The following GNG7 variants were observed in gnomAD, a reference collection of about 807,000 sequenced individuals.
GNG7 encodes guanine nucleotide-binding protein G(I)/G(S)/G(O) subunit gamma-7.
A neutral mutation model predicts 4.0 loss-of-function variants in GNG7; 1 was observed. The observed-to-expected ratio is 0.25, with a 90% CI of 0.09 to 1.18. The LOEUF is 1.18. Ranked by LOEUF, GNG7 falls within the 50% of genes most tolerant of loss-of-function variation. The probability of loss-of-function intolerance (pLI) is 0.50; values close to 1 mark genes in which losing one functional copy is unlikely to be tolerated. For synonymous variants in GNG7, 34 were observed against 36.9 expected, an observed-to-expected ratio of 0.92 and a Z score of 0.29; for missense variants, 86 against 91.9, an observed-to-expected ratio of 0.94 and a Z score of 0.26.
chr19:2,699,707 G>T (rs1328629952), intron 1 of GNG7, among the ~76,000 whole-genome samples: 2 of 152,200 alleles, frequency 1.3e-5, no homozygotes, highest in African/African-American at 4.8e-5. Flanking sequence ...AATGCGGGGA[G>T]CTCCTGGTGT....
At position 2,634,710 on chromosome 19, in the gene GNG7, G is replaced by A. The variant is rs568153510; in HGVS notation, c.-78+11514C>T. The stretch of plus-strand genomic sequence containing the variant: ...ATTCTTTCAGGGGAACAACTTGTCC[G>A]CGAAAAGAACTGATAATAACGTGAA... On this transcript the variant is annotated intron_variant, in intron 2 of 4. Coordinates refer to ENST00000382159, the MANE Select transcript of GNG7 (RefSeq NM_052847.3). The surrounding 1 kb of genome is among the most constrained non-coding windows in gnomAD (Gnocchi z 5.3). Among the ~76,000 whole-genome samples, 11 of 152,218 alleles carry A rather than the reference G, an allele frequency of 7.2e-5. No homozygotes were observed. Among genetic ancestry groups the A allele is most frequent in the Admixed American group, 1.3e-4 (2 of 15,272 alleles).
chr19:2,624,993 G>T (rs1317817578), intron 2 of GNG7, among the ~76,000 whole-genome samples: 3 of 152,210 alleles, frequency 2.0e-5, no homozygotes, highest in African/African-American at 7.2e-5. Context: ...CCAGGCAGGG[G>T]TGGACGCCTG....
intron 3 of GNG7, among the ~76,000 whole-genome samples, chr19:2,533,477 C>T (rs1978654452): frequency 6.6e-6 from 1 of 152,052 alleles, no homozygotes; most frequent in Non-Finnish European, 1.5e-5. Context: ...GTTGGTTGAG[C>T]TGTTGGTGTA....
chr19:2,585,035 G>A (rs1170303548), intron 2 of GNG7, among the ~76,000 whole-genome samples: 8 of 115,154 alleles, frequency 6.9e-5, no homozygotes, highest in Admixed American at 5.1e-4. Context: ...AGGGAGGGAC[G>A]GAGGGAGGGA....
intron 1 of GNG7, among the ~76,000 whole-genome samples, chr19:2,684,651 C>T (rs776613177): frequency 2.0e-5 from 3 of 152,180 alleles, no homozygotes; most frequent in Non-Finnish European, 4.4e-5. Flanking sequence ...CTCCGTGATC[C>T]ACTCCTAAGA....
intron 1 of GNG7, among the ~76,000 whole-genome samples, chr19:2,659,117 C>G (rs150011624): frequency 1.9e-3 from 293 of 151,948 alleles, no homozygotes; most frequent in African/African-American, 6.9e-3. Flanking sequence ...CTACAGGCGC[C>G]CGCCACCACA....
At position 2,653,577 on chromosome 19, in the gene GNG7, T is replaced by G. The variant is rs2144869084; in HGVS notation, c.-134-7297A>C. 6.6e-6 allele frequency among the ~76,000 whole-genome samples: 1 copy of G among 152,210 alleles called. No individual in the cohort carries two copies. The highest frequency in any genetic ancestry group is 2.4e-5 in the African/African-American group (1 of 41,538). On this transcript the variant is annotated intron_variant, in intron 1 of 4. Coordinates refer to ENST00000382159, the MANE Select transcript of GNG7 (RefSeq NM_052847.3). The surrounding 1 kb of genome is among the most constrained non-coding windows in gnomAD (Gnocchi z 4.8). Reference sequence around the variant, plus strand: ...TTTTTTTCCAGATGAATGTAGGGTCTCCCCCTCGGCACTGTGGGCATTGGG... The same window carrying G: ...TTTTTTTCCAGATGAATGTAGGGTCGCCCCCTCGGCACTGTGGGCATTGGG...
intron 2 of GNG7, among the ~76,000 whole-genome samples, chr19:2,620,059 T>A (rs957918585): frequency 6.6e-6 from 1 of 150,892 alleles, no homozygotes; most frequent in Non-Finnish European, 1.5e-5. Context: ...TAGCCAGGCA[T>A]GGTGGTGCGC....
At chr19:2,616,809 T>G (rs1370615118) in intron 2 of GNG7, among the ~76,000 whole-genome samples, 1 of 151,764 alleles carries the variant, frequency 6.6e-6, no homozygotes, top group African/African-American at 2.4e-5. Flanking sequence ...GGTGGGTTCT[T>G]GGGCAAGGCT....
intron 3 of GNG7, among the ~76,000 whole-genome samples, chr19:2,531,469 C>A (rs1379628957): frequency 2.6e-5 from 4 of 151,972 alleles, no homozygotes; most frequent in Admixed American, 2.0e-4. Context: ...AACATAAATC[C>A]CCTCTGGAGG....
intron 2 of GNG7, among the ~76,000 whole-genome samples, chr19:2,627,407 G>A (rs568892558): frequency 6.6e-6 from 1 of 152,302 alleles, no homozygotes; most frequent in Non-Finnish European, 1.5e-5. Context: ...TGGGGCCCCA[G>A]CCCTGTGGCC....
chr19:2,614,430 C>G lies in GNG7; in HGVS notation c.-78+31794G>C, dbSNP rs567421923. Among the ~76,000 whole-genome samples the G allele has an allele frequency of 9.3e-4, 142 of 152,320 alleles. No homozygotes were observed. Among genetic ancestry groups the G allele is most frequent in the African/African-American group, 3.2e-3 (134 of 41,568 alleles). ...AGCCCCCCAAAAAGACACCCCATCCCTATCAGCTGTCACTTCCCATCCCCC... is the reference window on the plus strand; with the variant it reads ...AGCCCCCCAAAAAGACACCCCATCCGTATCAGCTGTCACTTCCCATCCCCC... On this transcript the variant is annotated intron_variant, in intron 2 of 4. Transcript: ENST00000382159. This position sits in a 1 kb window ranked among gnomAD's most constrained non-coding sequence, Gnocchi z 6.0.
chr19:2,582,830 A>G (rs571856473), intron 2 of GNG7, among the ~76,000 whole-genome samples: 10 of 151,878 alleles, frequency 6.6e-5, no homozygotes, highest in Non-Finnish European at 1.2e-4. Context: ...CACCATGCCC[A>G]GCTATTTTTT....
intron 3 of GNG7, among the ~76,000 whole-genome samples, chr19:2,527,244 G>A (rs914388598): frequency 2.6e-5 from 4 of 152,198 alleles, no homozygotes; most frequent in Non-Finnish European, 5.9e-5. Flanking sequence ...CCAGGGCGAC[G>A]TCACCTGTGA....
intron 2 of GNG7, among the ~76,000 whole-genome samples, chr19:2,596,671 C>A (rs552212816): frequency 6.6e-6 from 1 of 150,984 alleles, no homozygotes; most frequent in South Asian, 2.1e-4. Context: ...CCTGTCCCCC[C>A]CCCAAAAAAA....
At position 2,634,021 on chromosome 19, in the gene GNG7, C is replaced by T. The variant is rs532463771; in HGVS notation, c.-78+12203G>A. Among the ~76,000 whole-genome samples, 1 of 152,238 alleles carries T rather than the reference C, an allele frequency of 6.6e-6. No individual in the cohort carries two copies. Among genetic ancestry groups the T allele is most frequent in the East Asian group, 1.9e-4 (1 of 5,182 alleles). ...CCCAAGAGACTCCGCGTCCCATGAT[C>T]CTCTGCCCTGCTGAGGTCCCCGGAG... On this transcript the variant is annotated intron_variant, in intron 2 of 4. Transcript: ENST00000382159. This position sits in a 1 kb window ranked among gnomAD's most constrained non-coding sequence, Gnocchi z 5.3.
chr19:2,608,565 G>T (rs1473109331), intron 2 of GNG7, among the ~76,000 whole-genome samples: 1 of 152,208 alleles, frequency 6.6e-6, no homozygotes, highest in African/African-American at 2.4e-5. Flanking sequence ...GCAGAGTCAC[G>T]AGACCAGCAA....
rs923963377 is a variant in GNG7 at position 2,626,164 on chromosome 19, CAG to C, written c.-78+20058_-78+20059del. ...CACCCCCCATTTTACCAAACAGAAG[CAG>C]AGAGTGACCGCGGGTGCCCACCTGA... is the stretch of plus-strand genomic sequence containing the variant. On this transcript the variant is annotated intron_variant, in intron 2 of 4. Transcript: ENST00000382159. This position sits in a 1 kb window ranked among gnomAD's most constrained non-coding sequence, Gnocchi z 5.0. 7.2e-5 allele frequency among the ~76,000 whole-genome samples: 11 copies of C among 152,258 alleles called. No homozygotes were observed. Among genetic ancestry groups the C allele is most frequent in the Middle Eastern group, 3.4e-3 (1 of 294 alleles).
At chr19:2,658,063 A>G (rs1351493528) in intron 1 of GNG7, among the ~76,000 whole-genome samples, 1 of 151,602 alleles carries the variant, frequency 6.6e-6, no homozygotes, top group Non-Finnish European at 1.5e-5. Flanking sequence ...TGGGGCCACT[A>G]CCGGTCTTCA....
Sources: allele counts gnomAD v4.1 joint callset (sites outside exome capture counted in the v4.1 genomes callset), GRCh38; gene constraint gnomAD v4.1.1; non-coding constraint Gnocchi (gnomAD v3.1); transcripts MANE v1.5; gene names NCBI Gene and HGNC (gene_info 2026-07-23, HGNC 2026-07-21).